Variants in SUGCT observed in about 807,000 individuals in gnomAD.
The protein encoded by SUGCT is succinyl-CoA:glutarate-CoA transferase.
In SUGCT, 41 loss-of-function variants were observed where a neutral mutation model predicts 55.0. The ratio of observed to expected loss-of-function variants is 0.74; its 90% confidence interval spans 0.58 to 0.97. The LOEUF (loss-of-function observed/expected upper bound fraction) is 0.97. SUGCT is among the 50% of genes least tolerant of loss of function. SUGCT has a pLI of 0.00. For synonymous variants in SUGCT, 187 were observed against 200.4 expected (o/e 0.93, Z 0.56); for missense variants, 568 against 547.8 (o/e 1.04, Z -0.37).
chr7:40,176,506 G>T (rs572180800), intron 1 of SUGCT, among the ~76,000 whole-genome samples: 3 of 152,126 alleles, frequency 2.0e-5, no homozygotes, highest in African/African-American at 7.2e-5. Context: ...AAGTTCTGCA[G>T]TGTTAATTAT....
intron 12 of SUGCT, among the ~76,000 whole-genome samples, chr7:40,548,335 C>G (rs1322170623): frequency 1.3e-5 from 2 of 151,796 alleles, no homozygotes; most frequent in African/African-American, 4.8e-5. Flanking sequence ...ACTACAGGCA[C>G]ACCCCATGGC....
intron 13 of SUGCT, among the ~76,000 whole-genome samples, chr7:40,819,401 AC>A (rs1205061562): frequency 6.6e-6 from 1 of 152,188 alleles, no homozygotes; most frequent in Non-Finnish European, 1.5e-5. Flanking sequence ...CTATTTCTCC[AC>A]ATCCTCTCCA....
At chr7:40,508,528 G>A (rs998519587) in intron 12 of SUGCT, among the ~76,000 whole-genome samples, 4 of 152,110 alleles carry the variant, frequency 2.6e-5, no homozygotes, top group East Asian at 1.9e-4. Context: ...AGACTGCCTC[G>A]GTTAAAGCTT....
At chr7:40,580,968 A>G (rs1797059164) in intron 12 of SUGCT, among the ~76,000 whole-genome samples, 1 of 152,134 alleles carries the variant, frequency 6.6e-6, no homozygotes, top group South Asian at 2.1e-4. Flanking sequence ...CTAACAACGC[A>G]TTTTTCAGAA....
intron 13 of SUGCT, among the ~76,000 whole-genome samples, chr7:40,828,481 G>A: frequency 6.6e-6 from 1 of 151,650 alleles, no homozygotes. Flanking sequence ...GGCATATTGG[G>A]GCTTCCAAAG....
chr7:40,197,687 A>G (rs767662569), intron 6 of SUGCT, among the ~76,000 whole-genome samples: 1 of 152,224 alleles, frequency 6.6e-6, no homozygotes, highest in Non-Finnish European at 1.5e-5. Flanking sequence ...GTATTTGTCA[A>G]AGCAAGTCAC....
At chr7:40,691,339 A>G (rs143096063) in intron 12 of SUGCT, among the ~76,000 whole-genome samples, 101 of 151,400 alleles carry the variant, frequency 6.7e-4, no homozygotes, top group African/African-American at 2.4e-3. Context: ...TAGTACTGAT[A>G]TAAGACAGAA....
chr7:40,766,499 A>G lies in SUGCT; in HGVS notation c.1153+17002A>G, dbSNP rs551390854. On this transcript the variant is annotated intron_variant, in intron 13 of 13. Coordinates refer to ENST00000335693, the MANE Select transcript of SUGCT (RefSeq NM_001193313.2). ...TGCTGGGAAAATCTTTATTTAATAT[A>G]TGGATATTCCTGTCATTTTTTCTTT... 2.1e-3 allele frequency among the ~76,000 whole-genome samples: 320 copies of G among 152,286 alleles called. 9 individuals are homozygous for G. In the South Asian group the frequency reaches 0.065, roughly 31 times the overall value.
chr7:40,359,202 A>T (rs1306084536), intron 9 of SUGCT, among the ~76,000 whole-genome samples: 2 of 151,858 alleles, frequency 1.3e-5, no homozygotes, highest in African/African-American at 4.8e-5. Flanking sequence ...TTTTTGAGAC[A>T]GAGTTGTATG....
chr7:41,033,533 G>A, the SUGCT span, among the ~76,000 whole-genome samples: 45 of 151,992 alleles, frequency 3.0e-4, 1 homozygote, highest in Admixed American at 3.0e-3. Context: ...AAGTCTTTAT[G>A]GTTTACAAAC....
chr7:40,895,154 C>T, the SUGCT span, among the ~76,000 whole-genome samples: 6 of 152,070 alleles, frequency 3.9e-5, no homozygotes, highest in Admixed American at 6.6e-5. Flanking sequence ...TATGCATGAC[C>T]TTTGCAGCAA....
intron 1 of SUGCT, among the ~76,000 whole-genome samples, chr7:40,145,523 T>C (rs552889333): frequency 5.9e-5 from 9 of 152,170 alleles, no homozygotes; most frequent in African/African-American, 9.6e-5. Context: ...TTTTTTTTTT[T>C]CTCAAAGATA....
the SUGCT span, among the ~76,000 whole-genome samples, chr7:40,993,338 C>T: frequency 2.0e-5 from 3 of 152,024 alleles, no homozygotes; most frequent in African/African-American, 7.2e-5. Flanking sequence ...GAAGAGAGCT[C>T]AATTATGGGA....
intron 3 of SUGCT, among the ~76,000 whole-genome samples, chr7:40,186,559 T>C (rs2150725031): frequency 6.6e-6 from 1 of 152,252 alleles, no homozygotes; most frequent in African/African-American, 2.4e-5. Flanking sequence ...GGATCTGGCC[T>C]GGTTGTAGTT....
chr7:40,279,697 G>A (rs1792824907), intron 8 of SUGCT, among the ~76,000 whole-genome samples: 1 of 151,908 alleles, frequency 6.6e-6, no homozygotes, highest in African/African-American at 2.4e-5. Flanking sequence ...AACCTTGACT[G>A]ACTTCAATTT....
At chr7:40,191,878 G>C (rs1785932853) in intron 5 of SUGCT, among the ~76,000 whole-genome samples, 1 of 152,126 alleles carries the variant, frequency 6.6e-6, no homozygotes, top group Admixed American at 6.6e-5. Context: ...GGGACGCCGA[G>C]GTGGGCGGAT....
At chr7:40,898,899 G>A in the SUGCT span, among the ~76,000 whole-genome samples, 1,075 of 152,158 alleles carry the variant, frequency 7.1e-3, 15 homozygotes, top group African/African-American at 0.024. Context: ...AACTTCCTAG[G>A]TACATGAAGA....
At chr7:40,862,493 C>T (rs1280305307), downstream of SUGCT, among the ~76,000 whole-genome samples, 1 of 152,134 alleles carries the variant, frequency 6.6e-6, no homozygotes, top group Non-Finnish European at 1.5e-5. Context: ...CAATATGCCC[C>T]AGATCAAGTT....
intron 8 of SUGCT, among the ~76,000 whole-genome samples, chr7:40,298,253 G>A (rs533087932): frequency 5.0e-4 from 76 of 152,008 alleles, no homozygotes; most frequent in Middle Eastern, 3.2e-3. Flanking sequence ...AGTGAGGTTA[G>A]TGAGGGGAAG....
Sources: gnomAD v4.1 joint callset for allele counts (sites outside exome capture counted in the v4.1 genomes callset) on GRCh38, gnomAD v4.1.1 for gene constraint, MANE v1.5 for transcripts, NCBI Gene and HGNC (gene_info 2026-07-23, HGNC 2026-07-21) for gene names.